The following TNPO3 variants were observed in gnomAD, a reference collection of about 807,000 sequenced individuals.
The protein encoded by TNPO3 is transportin 3, also known as transportin-3.
Under a neutral mutation model 122.8 loss-of-function variants are expected in TNPO3, and 65 were observed. The ratio of observed to expected loss-of-function variants is 0.53; its 90% CI spans 0.43 to 0.65. The LOEUF (loss-of-function observed/expected upper bound fraction) is 0.65, where lower values mean the gene tolerates loss of function less well. Among genes scored for constraint, TNPO3 ranks in the 30% least tolerant of loss-of-function variants. The pLI is 0.00. For missense variants in TNPO3, 850 were observed against 1,136.7 expected (o/e 0.75, Z 3.63); for synonymous variants, 372 against 411.2 (o/e 0.90, Z 1.15).
intron 8 of TNPO3, 116 bp downstream of exon 8, chr7:128,997,273 C>T: frequency 1.8e-6 from 2 of 1,132,708 alleles, no homozygotes; most frequent in Non-Finnish European, 2.5e-6. Context: ...TGCTGGACTA[C>T]AGGCATGAGC....
intron 21 of TNPO3, among the ~76,000 whole-genome samples, chr7:128,959,503 T>C (rs766113737): frequency 2.1e-4 from 32 of 152,154 alleles, no homozygotes; most frequent in Non-Finnish European, 4.3e-4. Flanking sequence ...GCAGAGACTT[T>C]GGAAATGATA....
At chr7:129,033,184 C>T (rs188666658) in intron 1 of TNPO3, among the ~76,000 whole-genome samples, 2 of 152,254 alleles carry the variant, frequency 1.3e-5, no homozygotes, top group African/African-American at 2.4e-5. Context: ...AAGACCTAAA[C>T]GTAAGACCTG....
intron 1 of TNPO3, 114 bp from the exon 2 acceptor site, chr7:129,018,271 CT>C: frequency 9.4e-7 from 1 of 1,060,132 alleles, no homozygotes; most frequent in Admixed American, 2.8e-5. Flanking sequence ...AAAGAAAAAT[CT>C]GACAAGCTAA....
intron 1 of TNPO3, among the ~76,000 whole-genome samples, chr7:129,032,077 T>C (rs1476535954): frequency 3.0e-5 from 3 of 99,156 alleles, no homozygotes; most frequent in Admixed American, 9.4e-5. Context: ...AAAATAAATG[T>C]AATCCACATT....
At chr7:129,016,255 G>A (rs559357056) in intron 3 of TNPO3, among the ~76,000 whole-genome samples, 43 of 152,192 alleles carry the variant, frequency 2.8e-4, no homozygotes, top group Non-Finnish European at 5.1e-4. Flanking sequence ...TTAGCCAGGC[G>A]TAGTAGCACA....
intron 1 of TNPO3, among the ~76,000 whole-genome samples, chr7:129,026,628 T>C (rs1805211811): frequency 6.6e-6 from 1 of 152,130 alleles, no homozygotes; most frequent in Non-Finnish European, 1.5e-5. Context: ...GTCTCAAAAC[T>C]CCTGACTTCA....
intron 21 of TNPO3, among the ~76,000 whole-genome samples, chr7:128,966,049 T>C (rs546556190): frequency 6.6e-6 from 1 of 152,336 alleles, no homozygotes; most frequent in African/African-American, 2.4e-5. Context: ...TATGCATTTA[T>C]AAAAATGGTT....
chr7:129,013,434 C>CAAAAAA (rs3993440), intron 4 of TNPO3, among the ~76,000 whole-genome samples: 4 of 127,746 alleles, frequency 3.1e-5, no homozygotes, highest in Admixed American at 1.6e-4. Flanking sequence ...CAAATAATAG[C>CAAAAAA]AAAAAAAAAA....
intron 6 of TNPO3, among the ~76,000 whole-genome samples, chr7:129,000,805 T>A: frequency 6.6e-6 from 1 of 152,348 alleles, no homozygotes; most frequent in East Asian, 1.9e-4. Context: ...AAAACTCCCA[T>A]CAAATCACAC....
Position 129,005,155 on chromosome 7 carries a change from GT to G in TNPO3, c.556del (p.Thr186ProfsTer3). 1 of 1,612,316 alleles carries G rather than the reference GT, an allele frequency of 6.2e-7. No homozygotes were observed. The highest frequency in any genetic ancestry group is 8.5e-7 in the Non-Finnish European group (1 of 1,179,294). Reference sequence around the variant, plus strand: ...ATCTGTTCCTGCTTTTTCTACACAGGTCATCTGAATAGAGAAAAAAACTTAA... The same window carrying G: ...ATCTGTTCCTGCTTTTTCTACACAGGCATCTGAATAGAGAAAAAAACTTAA... The part of the protein sequence containing the change: ...YSSTVVSLLM[T>X]CVEKAGTDEK... On this transcript the variant is annotated frameshift_variant, in exon 5 of 23. Transcript: ENST00000265388. LOFTEE classifies it high-confidence loss of function.
intron 4 of TNPO3, among the ~76,000 whole-genome samples, chr7:129,013,062 T>C (rs1803397383): frequency 6.6e-6 from 1 of 152,220 alleles, no homozygotes; most frequent in Admixed American, 6.5e-5. Context: ...AAAGGTCAAG[T>C]AAAATCTTCT....
intron 21 of TNPO3, among the ~76,000 whole-genome samples, chr7:128,963,220 C>A (rs1269112386): frequency 6.6e-6 from 1 of 152,164 alleles, no homozygotes; most frequent in East Asian, 1.9e-4. Context: ...GATAAATAAA[C>A]TGAAGTTCAA....
At chr7:129,010,494 G>C (rs1355588700) in intron 4 of TNPO3, among the ~76,000 whole-genome samples, 2 of 152,006 alleles carry the variant, frequency 1.3e-5, no homozygotes, top group Non-Finnish European at 2.9e-5. Flanking sequence ...ATTAAGGTAG[G>C]GATTATCTAC....
chr7:129,015,074 CT>C lies in TNPO3; in HGVS notation c.456del (p.Glu153LysfsTer18). On this transcript the variant is annotated frameshift_variant, in exon 4 of 23. Transcript: ENST00000265388. LOFTEE classifies it high-confidence loss of function. ...FLLEILTVLP[E>X]EVHSRSLRIG... The stretch of plus-strand genomic sequence containing the variant: ...ATTCGTAAGGAACGACTATGTACTT[CT>C]TCAGGTAACACTGTAAGGATCTCCA... The C allele has an allele frequency of 6.2e-7, 1 of 1,612,352 alleles. No homozygotes were observed. The highest frequency in any genetic ancestry group is 8.5e-7 in the Non-Finnish European group (1 of 1,179,688).
chr7:129,054,503 T>TGTA, intron 1 of TNPO3, 148 bp downstream of exon 1: 1 of 1,285,130 alleles, frequency 7.8e-7, no homozygotes, highest in Non-Finnish European at 1.0e-6. Flanking sequence ...GCGGCAAAGA[T>TGTA]GTAGCTTCGC....
In TNPO3 at chr7:129,001,062, T is replaced by C; in HGVS notation, c.869A>G (p.Asp290Gly). Reference protein sequence around the residue: ...YHMAVAREDLDKVLNYCRIFT... With the variant: ...YHMAVAREDLGKVLNYCRIFT... ...CCAGACTTAAACAATTACTCACTTG[T>C]CTAAATCTTCACGTGCCACGGCCAT... The change falls in exon 6 of 23, where the codon GAC becomes GGC. Residue 290 changes from aspartate to glycine, a missense_variant. Physicochemically the swap from Asp to Gly is moderately conservative, Grantham distance 94. Coordinates refer to ENST00000265388, the MANE Select transcript of TNPO3 (RefSeq NM_012470.4). 1 of 1,613,954 alleles carries C rather than the reference T, an allele frequency of 6.2e-7. No homozygotes were observed. The highest frequency in any genetic ancestry group is 1.1e-5 in the South Asian group (1 of 91,084).
intron 9 of TNPO3, 62 bp from the exon 10 acceptor site, chr7:128,992,152 A>G: frequency 3.2e-6 from 3 of 942,470 alleles, no homozygotes; most frequent in Non-Finnish European, 4.9e-6. Flanking sequence ...AAAACAAACA[A>G]AACAAAAAAT....
At chr7:128,995,075 C>T (rs1272870888) in intron 8 of TNPO3, among the ~76,000 whole-genome samples, 2 of 152,186 alleles carry the variant, frequency 1.3e-5, no homozygotes, top group Admixed American at 6.5e-5. Flanking sequence ...GCTGGGATTA[C>T]AGATGTGAGC....
intron 5 of TNPO3, among the ~76,000 whole-genome samples, chr7:129,003,039 C>CAAAAAAAAA (rs56226072): frequency 1.1e-3 from 56 of 53,250 alleles, no homozygotes; most frequent in East Asian, 3.8e-3. Context: ...GACTCCCTCT[C>CAAAAAAAAA]AAAAAAAAAA....
Sources: allele counts gnomAD v4.1 joint callset (sites outside exome capture counted in the v4.1 genomes callset), GRCh38; gene constraint gnomAD v4.1.1; transcripts MANE v1.5; gene names NCBI Gene and HGNC (gene_info 2026-07-23, HGNC 2026-07-21).